CSMD1: variants seen among roughly 807,000 people sequenced by gnomAD.
The protein encoded by CSMD1 is CUB and sushi domain-containing protein 1.
In CSMD1, 213 loss-of-function variants were observed where a neutral mutation model predicts 417.5. The observed-to-expected ratio is 0.51, with a 90% CI of 0.46 to 0.57. CSMD1 has a LOEUF of 0.57. Ranked by LOEUF, CSMD1 falls within the 20% of genes least tolerant of loss-of-function variation. The pLI, the probability that CSMD1 is intolerant of heterozygous loss-of-function variation, is 0.00. For synonymous variants in CSMD1, 2,862 were observed against 1,736.8 expected, an observed-to-expected ratio of 1.65 and a Z score of -16.11; for missense variants, 6,923 against 4,529.7, an observed-to-expected ratio of 1.53 and a Z score of -15.17.
chr8:3,223,719 G>A lies in CSMD1; in HGVS notation c.4484+10C>T, dbSNP rs1318213314. The A allele has an allele frequency of 6.2e-7, 1 of 1,613,580 alleles. No homozygotes were observed. Among genetic ancestry groups the A allele is most frequent in the Admixed American group, 1.7e-5 (1 of 59,966 alleles). Reference sequence around the variant, plus strand: ...CCTACTAAAAAGAGGTATTCTGCAAGAGACGGTACCTTTTGAATATCAAGG... The same window carrying A: ...CCTACTAAAAAGAGGTATTCTGCAAAAGACGGTACCTTTTGAATATCAAGG... On this transcript the variant is annotated intron_variant, in intron 28 of 69. Coordinates refer to ENST00000635120, the MANE Select transcript of CSMD1 (RefSeq NM_033225.6).
intron 7 of CSMD1, among the ~76,000 whole-genome samples, chr8:3,663,848 C>T (rs1001289387): frequency 2.0e-4 from 30 of 152,128 alleles, no homozygotes; most frequent in Admixed American, 6.6e-5. Flanking sequence ...CACGTGTTAT[C>T]AGGATCTTCT....
chr8:3,748,058 C>T (rs536621817), intron 6 of CSMD1, among the ~76,000 whole-genome samples: 5 of 152,220 alleles, frequency 3.3e-5, no homozygotes, highest in African/African-American at 1.2e-4. Flanking sequence ...ACTGGCTAAT[C>T]GTAAGTACTT....
At chr8:3,455,201 T>G (rs1816025391) in intron 12 of CSMD1, among the ~76,000 whole-genome samples, 1 of 152,174 alleles carries the variant, frequency 6.6e-6, no homozygotes, top group Non-Finnish European at 1.5e-5. Context: ...GTTATTCTAG[T>G]TAGCCAGTCG....
intron 12 of CSMD1, among the ~76,000 whole-genome samples, chr8:3,433,685 A>G (rs1448158691): frequency 6.6e-6 from 1 of 152,220 alleles, no homozygotes; most frequent in Non-Finnish European, 1.5e-5. Flanking sequence ...TCTTAGTGGA[A>G]AGTGACAGAA....
rs78364777 is a variant in CSMD1, at chr8:3,941,445, G to C, written c.818+56458C>G. Among the ~76,000 whole-genome samples the C allele has an allele frequency of 4.8e-4, 73 of 152,164 alleles. 4 individuals carry two copies. In the East Asian group the frequency reaches 0.014, roughly 29 times the overall value. On this transcript the variant is annotated intron_variant, in intron 5 of 69. Coordinates refer to ENST00000635120, the MANE Select transcript of CSMD1 (RefSeq NM_033225.6). ...GTCCATCAGTCTATAAAATTTGATT[G>C]ATTCCTGAAACACTAAGGTCCTATT... is the stretch of plus-strand genomic sequence containing the variant.
chr8:4,801,797 G>C (rs1196849935), intron 1 of CSMD1, among the ~76,000 whole-genome samples: 1 of 152,128 alleles, frequency 6.6e-6, no homozygotes, highest in Non-Finnish European at 1.5e-5. Context: ...AGTAAAAAGA[G>C]AAATGAATAC....
At chr8:3,902,194 C>G (rs1807801350) in intron 5 of CSMD1, among the ~76,000 whole-genome samples, 1 of 152,178 alleles carries the variant, frequency 6.6e-6, no homozygotes, top group South Asian at 2.1e-4. Flanking sequence ...AATCTCACTT[C>G]TGATACTTCA....
intron 19 of CSMD1, among the ~76,000 whole-genome samples, chr8:3,368,106 T>C (rs1585061997): frequency 6.6e-6 from 1 of 152,122 alleles, no homozygotes; most frequent in African/African-American, 2.4e-5. Context: ...AGATAACTTC[T>C]AATAAAAATG....
intron 3 of CSMD1, among the ~76,000 whole-genome samples, chr8:4,191,925 A>T (rs893734975): frequency 1.3e-5 from 2 of 152,198 alleles, no homozygotes; most frequent in African/African-American, 4.8e-5. Flanking sequence ...CATTAGCACA[A>T]TTCAGCTCCC....
chr8:4,519,516 G>A (rs1803311611), intron 2 of CSMD1, among the ~76,000 whole-genome samples: 1 of 151,672 alleles, frequency 6.6e-6, no homozygotes, highest in Non-Finnish European at 1.5e-5. Flanking sequence ...AAGCAGGGTG[G>A]ATCATCTGAG....
At chr8:2,955,167 T>A (rs1485118708) in intron 64 of CSMD1, among the ~76,000 whole-genome samples, 1 of 152,316 alleles carries the variant, frequency 6.6e-6, no homozygotes, top group African/African-American at 2.4e-5. Context: ...CATGTGGTCT[T>A]AAAAATAAGA....
chr8:3,226,497 C>T (rs181485851), intron 27 of CSMD1, among the ~76,000 whole-genome samples: 8 of 150,826 alleles, frequency 5.3e-5, no homozygotes, highest in African/African-American at 2.0e-4. Flanking sequence ...GCAGGAGAAT[C>T]GCTTGAACCT....
intron 39 of CSMD1, among the ~76,000 whole-genome samples, chr8:3,156,447 G>C (rs1046353295): frequency 1.3e-5 from 2 of 152,142 alleles, no homozygotes; most frequent in Non-Finnish European, 2.9e-5. Flanking sequence ...TGTCACCAAA[G>C]CCTTTGGGGA....
intron 4 of CSMD1, among the ~76,000 whole-genome samples, chr8:4,001,191 G>A (rs1458286808): frequency 6.6e-6 from 1 of 152,192 alleles, no homozygotes; most frequent in African/African-American, 2.4e-5. Flanking sequence ...TAGAATACAA[G>A]TGTATAGAAT....
At chr8:3,796,388 C>A (rs796258073) in intron 5 of CSMD1, among the ~76,000 whole-genome samples, 650 of 42,794 alleles carry the variant, frequency 0.015, 106 homozygotes, top group East Asian at 0.073. Flanking sequence ...ATATATATAT[C>A]TATCATGTAT....
chr8:3,895,417 C>T (rs1318409054), intron 5 of CSMD1, among the ~76,000 whole-genome samples: 1 of 151,760 alleles, frequency 6.6e-6, no homozygotes, highest in Non-Finnish European at 1.5e-5. Context: ...TTTCTGTGGC[C>T]CTATTAACAC....
intron 3 of CSMD1, among the ~76,000 whole-genome samples, chr8:4,175,948 G>C (rs932751449): frequency 2.6e-5 from 4 of 152,100 alleles, no homozygotes; most frequent in African/African-American, 7.3e-5. Flanking sequence ...GTCGACATTG[G>C]TGGCATGGGG....
chr8:3,674,526 T>A (rs1449271219), intron 7 of CSMD1, among the ~76,000 whole-genome samples: 7 of 152,148 alleles, frequency 4.6e-5, no homozygotes, highest in Admixed American at 1.3e-4. Flanking sequence ...ATTAGATAAT[T>A]TAACAATATT....
chr8:3,618,489 T>G (rs1802256075), intron 7 of CSMD1, among the ~76,000 whole-genome samples: 1 of 152,192 alleles, frequency 6.6e-6, no homozygotes, highest in African/African-American at 2.4e-5. Context: ...TAATAACATC[T>G]AAACATTATT....
Sources: allele counts gnomAD v4.1 joint callset (sites outside exome capture counted in the v4.1 genomes callset), GRCh38; gene constraint gnomAD v4.1.1; transcripts MANE v1.5; gene names NCBI Gene and HGNC (gene_info 2026-07-23, HGNC 2026-07-21).